Variants in SCUBE2 observed in about 807,000 individuals in gnomAD.
The protein encoded by SCUBE2 is signal peptide, CUB domain and EGF like domain containing 2, also known as signal peptide, CUB and EGF-like domain-containing protein 2.
Under a neutral mutation model 125.9 loss-of-function variants are expected in SCUBE2, and 114 were observed. The ratio of observed to expected loss-of-function variants is 0.91; its 90% CI spans 0.78 to 1.06. SCUBE2 has a LOEUF of 1.06. Ranked by LOEUF, SCUBE2 falls within the 50% of genes least tolerant of loss-of-function variation. The pLI is 0.00. For synonymous variants in SCUBE2, 459 were observed against 492.9 expected (o/e 0.93, Z 0.91); for missense variants, 1,255 against 1,301.8 (o/e 0.96, Z 0.55).
chr11:9,063,721 G>T (rs1486102632), intron 7 of SCUBE2, among the ~76,000 whole-genome samples: 1 of 152,230 alleles, frequency 6.6e-6, no homozygotes, highest in Non-Finnish European at 1.5e-5. Context: ...AAAGGGAATT[G>T]TAGGCTGATG....
rs761733266 is a variant in SCUBE2 at position 9,069,476 on chromosome 11, A to C, written c.537T>G (p.Asn179Lys). The change falls in exon 5 of 23, where the codon AAT becomes AAG. Residue 179 changes from asparagine to lysine, a missense_variant. By Grantham distance (94) the Asn-to-Lys change is moderately conservative. Coordinates refer to ENST00000649792, the MANE Select transcript of SCUBE2 (RefSeq NM_001367977.2). Reference sequence around the variant, plus strand: ...AGATGTGACTACAGCCGTGATCCTTATTCATGCAGCTCAGGCCCTCTGAAA... The same window carrying C: ...AGATGTGACTACAGCCGTGATCCTTCTTCATGCAGCTCAGGCCCTCTGAAA... Reference protein sequence around the residue: ...HRSEEGLSCMNKDHGCSHICK... With the variant: ...HRSEEGLSCMKKDHGCSHICK... 1.4e-5 allele frequency: 22 copies of C among 1,614,208 alleles called. No individual in the cohort carries two copies. Among genetic ancestry groups the C allele is most frequent in the Non-Finnish European group, 1.9e-5 (22 of 1,180,022 alleles).
chr11:9,055,197 C>A (rs1470016143), intron 10 of SCUBE2, among the ~76,000 whole-genome samples: 2 of 152,160 alleles, frequency 1.3e-5, no homozygotes, highest in African/African-American at 4.8e-5. Flanking sequence ...AATCTGATGG[C>A]TGGGGGAGTG....
In SCUBE2 at chr11:9,052,775, T is replaced by G; in HGVS notation, c.1505A>C (p.Gln502Pro). 1.2e-5 allele frequency: 18 copies of G among 1,537,100 alleles called. No homozygotes were observed. The highest frequency in any genetic ancestry group is 1.6e-5 in the Non-Finnish European group (18 of 1,146,806). The change falls in exon 13 of 23, where the codon CAA (glutamine) becomes CCA (proline). Residue 502 changes from glutamine (Q) to proline (P), a missense_variant. This residue lies in a region of SCUBE2 where 378 missense variants were observed against 463.1 expected (regional missense o/e 0.82). Coordinates refer to ENST00000649792, the MANE Select transcript of SCUBE2 (RefSeq NM_001367977.2). The stretch of plus-strand genomic sequence containing the variant: ...AAAAGCAGAGTCATTTGATTTTTGT[T>G]GTTTGTTCCTGAGAGGAGAGGAAGA... ...CGSSSPLRNK[Q>P]QKSNDSAFGD...
chr11:9,048,171 G>A, intron 14 of SCUBE2, 73 bp from the exon 15 acceptor site: 2 of 1,457,650 alleles, frequency 1.4e-6, no homozygotes, highest in East Asian at 2.3e-5. Context: ...CTAGAGCTCA[G>A]TAAACATTTC....
chr11:9,030,479 T>A, intron 18 of SCUBE2: 1 of 456,064 alleles, frequency 2.2e-6, no homozygotes, highest in Non-Finnish European at 4.0e-6. Flanking sequence ...GGAGGAGGGC[T>A]AGAGGAAGGA....
intron 21 of SCUBE2, 120 bp downstream of exon 21, chr11:9,025,582 T>C: frequency 1.6e-6 from 2 of 1,258,520 alleles, no homozygotes; most frequent in Non-Finnish European, 1.1e-6. Flanking sequence ...CAATGTCTTT[T>C]CCCCTCATCT....
chr11:9,023,698 C>T (rs1855497406), intron 21 of SCUBE2, among the ~76,000 whole-genome samples: 1 of 152,238 alleles, frequency 6.6e-6, no homozygotes, highest in Non-Finnish European at 1.5e-5. Flanking sequence ...TGCTTTGCAA[C>T]CTTGCCATGC....
chr11:9,073,313 T>C (rs1860958328), intron 4 of SCUBE2, among the ~76,000 whole-genome samples: 1 of 152,120 alleles, frequency 6.6e-6, no homozygotes, highest in Non-Finnish European at 1.5e-5. Context: ...GAAATCTGCC[T>C]GATCAAAGCC....
At chr11:9,054,851 TC>T (rs994603731) in intron 10 of SCUBE2, among the ~76,000 whole-genome samples, 1 of 146,588 alleles carries the variant, frequency 6.8e-6, no homozygotes, top group Non-Finnish European at 1.5e-5. Context: ...TTTTCCTGCC[TC>T]AGCTCCCAAG....
rs117157365 is a variant in SCUBE2 at position 9,029,497 on chromosome 11, G to A, written c.2503+387C>T. 5.2e-3 allele frequency among the ~76,000 whole-genome samples: 793 copies of A among 152,264 alleles called. 3 individuals are homozygous for A. The highest frequency in any genetic ancestry group is 0.02 in the Middle Eastern group (6 of 294). ...TCGCTCCTTCCTCTGCAGCCTCACT[G>A]CCTGAGCTCCTTGCAGGTTCAGCGA... On this transcript the variant is annotated intron_variant, in intron 19 of 22. Coordinates refer to ENST00000649792, the MANE Select transcript of SCUBE2 (RefSeq NM_001367977.2).
chr11:9,055,206 T>C (rs1029152623), intron 10 of SCUBE2, among the ~76,000 whole-genome samples: 2 of 151,482 alleles, frequency 1.3e-5, no homozygotes, highest in African/African-American at 4.9e-5. Flanking sequence ...GCTGGGGGAG[T>C]GGAGTGGGAG....
chr11:9,070,532 A>ATTCGTGCAATGT (rs1369627110), intron 4 of SCUBE2, among the ~76,000 whole-genome samples: 2 of 152,210 alleles, frequency 1.3e-5, no homozygotes, highest in Non-Finnish European at 2.9e-5. Context: ...TGTAACTCTA[A>ATTCGTGCAATGT]AACATCTCTG....
intron 1 of SCUBE2, 33 bp from the exon 2 acceptor site, chr11:9,089,862 G>A (rs751144577): frequency 1.9e-6 from 3 of 1,608,360 alleles, no homozygotes; most frequent in Admixed American, 3.3e-5. Flanking sequence ...CCTGGTACAG[G>A]CTCCCAGGCC....
intron 16 of SCUBE2, among the ~76,000 whole-genome samples, chr11:9,044,337 C>T (rs1006941662): frequency 2.6e-5 from 4 of 152,152 alleles, no homozygotes; most frequent in Admixed American, 1.3e-4. Flanking sequence ...ACTGCAGCCT[C>T]GAACTCCTGG....
In SCUBE2 at chr11:9,033,734, C is replaced by T; in HGVS notation, c.2065G>A (p.Gly689Arg). The T allele has an allele frequency of 6.2e-7, 1 of 1,614,090 alleles. No homozygotes were observed. The highest frequency in any genetic ancestry group is 1.3e-5 in the African/African-American group (1 of 75,008). ...ARERCILCPN[G>R]TFQNEEGQMT... ...TGTCCTTCCTCATTTTGGAAGGTTC[C>T]ATTTGGACATAAAATGCAGCGTTCT... The change falls in exon 17 of 23, where the codon GGA becomes AGA. Residue 689 changes from glycine to arginine, a missense_variant. This residue lies in a region of SCUBE2 where 515 missense variants were observed against 515.7 expected (regional missense o/e 1.00). Transcript: ENST00000649792.
intron 19 of SCUBE2, among the ~76,000 whole-genome samples, chr11:9,029,233 C>T (rs1030020869): frequency 6.6e-6 from 1 of 152,208 alleles, no homozygotes; most frequent in African/African-American, 2.4e-5. Context: ...AAACACAAAC[C>T]GGTCTCCTCA....
chr11:9,039,999 C>T (rs1030379909), intron 16 of SCUBE2, among the ~76,000 whole-genome samples: 2 of 152,246 alleles, frequency 1.3e-5, no homozygotes, highest in African/African-American at 4.8e-5. Context: ...AGCCCATGCG[C>T]ACCACAGGAG....
In SCUBE2 at chr11:9,050,512, C is replaced by T. The variant is rs1858241213; in HGVS notation, c.1639+94G>A. On this transcript the variant is annotated intron_variant, in intron 14 of 22. Transcript: ENST00000649792. ...CTGCAGTGTGCTTGGATCGGCTGGACAGCCCCTGGCCCCCATGGACCTCCA... is the reference window on the plus strand; with the variant it reads ...CTGCAGTGTGCTTGGATCGGCTGGATAGCCCCTGGCCCCCATGGACCTCCA... 5 of 910,204 alleles carry T rather than the reference C, an allele frequency of 5.5e-6. No homozygotes were observed. In the Admixed American group the frequency reaches 8.7e-5, roughly 16 times the overall value. 56.4% of individuals were successfully genotyped at this position (910,204 alleles called of 1,614,324 possible). A position where few individuals can be genotyped will look rare whatever the true frequency, so the allele number is the denominator to read the frequency against.
At chr11:9,053,050 G>C in intron 12 of SCUBE2, 49 bp downstream of exon 12, 3 of 1,475,828 alleles carry the variant, frequency 2.0e-6, no homozygotes, top group Non-Finnish European at 2.8e-6. Context: ...AGGCCAGAGA[G>C]GCCTGGCCCC....
Sources: allele counts gnomAD v4.1 joint callset (sites outside exome capture counted in the v4.1 genomes callset), GRCh38; gene constraint gnomAD v4.1.1; regional missense constraint gnomAD v4.1.1; transcripts MANE v1.5; gene names NCBI Gene and HGNC (gene_info 2026-07-23, HGNC 2026-07-21).